The following GNAI2 variants were observed in gnomAD, a reference collection of about 807,000 sequenced individuals.
GNAI2 encodes guanine nucleotide-binding protein G(i) subunit alpha-2.
In GNAI2, 4 loss-of-function variants were observed where a neutral mutation model predicts 36.8. The ratio of observed to expected loss-of-function variants is 0.11; its 90% confidence interval spans 0.05 to 0.25. The LOEUF is 0.25. GNAI2 is among the 10% of genes least tolerant of loss of function. GNAI2 has a pLI of 1.00. For missense variants in GNAI2, 230 were observed against 481.3 expected (o/e 0.48, Z 4.89); for synonymous variants, 194 against 194.1 (o/e 1.00, Z 0.01).
intron 4 of GNAI2, 132 bp from the exon 5 acceptor site, chr3:50,256,044 CAAAAAAAAAAAAAAAA>C (rs1170893603): frequency 7.0e-5 from 10 of 142,732 alleles, no homozygotes; most frequent in African/African-American, 1.2e-4. Context: ...CACTCTGTCT[CAAAAAAAAAAAAAAAA>C]AAAAAAAAAA....
chr3:50,236,487 C>T lies in GNAI2; in HGVS notation c.118+34C>T. ...GCGTCCCGCACTGGGATCCTTGATT[C>T]CCAGCTCGAATCCCCAGACAAGGAC... On this transcript the variant is annotated intron_variant, in intron 1 of 8. Coordinates refer to ENST00000313601, the MANE Select transcript of GNAI2 (RefSeq NM_002070.4). This position sits in a 1 kb window ranked among gnomAD's most constrained non-coding sequence, Gnocchi z 4.0. 4 of 1,559,010 alleles carry T rather than the reference C, an allele frequency of 2.6e-6. No individual in the cohort carries two copies. Among genetic ancestry groups the T allele is most frequent in the Non-Finnish European group, 3.5e-6 (4 of 1,158,066 alleles).
At chr3:50,256,662 A>T (rs1700710672) in intron 5 of GNAI2, 61 bp from the exon 6 acceptor site, 1 of 1,584,084 alleles carries the variant, frequency 6.3e-7, no homozygotes, top group East Asian at 2.2e-5. Flanking sequence ...CAACCTGAGA[A>T]ATGGGGTAGA....
chr3:50,257,614 A>G lies in GNAI2; in HGVS notation c.992A>G (p.Lys331Arg). Residue 331 changes from lysine to arginine, a missense_variant, in exon 8 of 9, where the codon AAG becomes AGG. Around this residue, in one of 4 missense-constraint regions of GNAI2, gnomAD observed 17 missense variants for 48.5 expected, o/e 0.35. Transcript: ENST00000313601. ...CACTTCACGTGCGCCACCGACACCA[A>G]GAACGTGCAGTTCGTGTTTGACGCC... The part of the protein sequence containing the change: ...YTHFTCATDT[K>R]NVQFVFDAVT... 6.2e-7 allele frequency: 1 copy of G among 1,611,060 alleles called. No individual in the cohort carries two copies. The highest frequency in any genetic ancestry group is 8.5e-7 in the Non-Finnish European group (1 of 1,178,182).
chr3:50,245,765 A>T (rs1553701671), intron 1 of GNAI2, among the ~76,000 whole-genome samples: 3 of 152,262 alleles, frequency 2.0e-5, no homozygotes, highest in African/African-American at 7.2e-5. Flanking sequence ...ACTGAGGGAG[A>T]CACACCTTGC....
At position 50,242,860 on chromosome 3, in the gene GNAI2, G is replaced by A. The variant is rs1353950797; in HGVS notation, c.118+6407G>A. Among the ~76,000 whole-genome samples the A allele has an allele frequency of 1.3e-5, 2 of 152,202 alleles. No individual in the cohort carries two copies. The highest frequency in any genetic ancestry group is 2.9e-5 in the Non-Finnish European group (2 of 68,036). On this transcript the variant is annotated intron_variant, in intron 1 of 8. Transcript: ENST00000313601. This position sits in a 1 kb window ranked among gnomAD's most constrained non-coding sequence, Gnocchi z 4.8. ...GGAATCTGGGGGCTCCAAGGCTGCT[G>A]ACAGCCTCAGGATATGCAAAGGAGG...
Position 50,236,573 on chromosome 3 carries a change from T to C in GNAI2, c.118+120T>C. The C allele has an allele frequency of 7.4e-7, 1 of 1,360,334 alleles. No homozygotes were observed. The allele number at this position is 1,360,334 out of a possible 1,614,324, so 84.3% of individuals were successfully genotyped here. ...CCCGGGCTGTCTGGGACCCCACACC[T>C]GGGCCAGGACCAGGGTTGAAAACTC... is the stretch of plus-strand genomic sequence containing the variant. On this transcript the variant is annotated intron_variant, in intron 1 of 8. Coordinates refer to ENST00000313601, the MANE Select transcript of GNAI2 (RefSeq NM_002070.4). This position sits in a 1 kb window ranked among gnomAD's most constrained non-coding sequence, Gnocchi z 4.0.
At chr3:50,234,146 A>G (rs1700118264), upstream of GNAI2, among the ~76,000 whole-genome samples, 1 of 147,350 alleles carries the variant, frequency 6.8e-6, no homozygotes, top group Non-Finnish European at 1.5e-5. Flanking sequence ...AGCTCACTGC[A>G]AGCTCCGCCT....
In GNAI2 at chr3:50,241,783, A is replaced by G. The variant is rs1194715275; in HGVS notation, c.118+5330A>G. On this transcript the variant is annotated intron_variant, in intron 1 of 8. Coordinates refer to ENST00000313601, the MANE Select transcript of GNAI2 (RefSeq NM_002070.4). The surrounding 1 kb of genome is among the most constrained non-coding windows in gnomAD (Gnocchi z 5.0). Reference sequence around the variant, plus strand: ...TATGTGTCAGAGCCTAGGCTGCTGGATGGGGCCTGGGGATGGTCCGGGACC... The same window carrying G: ...TATGTGTCAGAGCCTAGGCTGCTGGGTGGGGCCTGGGGATGGTCCGGGACC... Among the ~76,000 whole-genome samples the G allele has an allele frequency of 2.0e-5, 3 of 152,118 alleles. No homozygotes were observed. The highest frequency in any genetic ancestry group is 4.4e-5 in the Non-Finnish European group (3 of 68,006).
intron 5 of GNAI2, 172 bp from the exon 6 acceptor site, chr3:50,256,551 T>A: frequency 1.3e-6 from 1 of 754,592 alleles, no homozygotes; most frequent in East Asian, 2.6e-5. Context: ...GCCTGCCTGC[T>A]GTCCAAGCTC....
At chr3:50,239,095 G>A (rs782356337) in intron 1 of GNAI2, among the ~76,000 whole-genome samples, 17 of 152,208 alleles carry the variant, frequency 1.1e-4, no homozygotes, top group Admixed American at 3.9e-4. Context: ...CCAGCTCAAC[G>A]TGACTGATCA....
At chr3:50,231,436 G>A (rs966682972), upstream of GNAI2, among the ~76,000 whole-genome samples, 4 of 152,186 alleles carry the variant, frequency 2.6e-5, no homozygotes, top group African/African-American at 4.8e-5. Context: ...GCGCTGCCAC[G>A]CCCAGCTAAT....
Position 50,242,065 on chromosome 3 carries a change from T to C in GNAI2, c.118+5612T>C, listed in dbSNP as rs1700311377. On this transcript the variant is annotated intron_variant, in intron 1 of 8. Coordinates refer to ENST00000313601, the MANE Select transcript of GNAI2 (RefSeq NM_002070.4). This position sits in a 1 kb window ranked among gnomAD's most constrained non-coding sequence, Gnocchi z 4.8. ...ACACAGGTCCTGTATACTCTGCCGT[T>C]GATCTTAGTTCTTGGTCCCTGGCTG... Among the ~76,000 whole-genome samples the C allele has an allele frequency of 6.6e-6, 1 of 152,152 alleles. No individual in the cohort carries two copies. Among genetic ancestry groups the C allele is most frequent in the South Asian group, 2.1e-4 (1 of 4,832 alleles).
upstream of GNAI2, among the ~76,000 whole-genome samples, chr3:50,231,632 G>C (rs1257245375): frequency 1.3e-5 from 2 of 152,164 alleles, no homozygotes; most frequent in Non-Finnish European, 2.9e-5. Flanking sequence ...CTGGAATTAG[G>C]GATATGAGTG....
At chr3:50,248,806 A>G (rs1700479700) in intron 1 of GNAI2, among the ~76,000 whole-genome samples, 1 of 152,048 alleles carries the variant, frequency 6.6e-6, no homozygotes, top group South Asian at 2.1e-4. Flanking sequence ...GGAGGGGAAA[A>G]TGAAACTTGA....
chr3:50,236,348 G>T lies in GNAI2; in HGVS notation c.13G>T (p.Val5Leu), dbSNP rs143760938. Residue 5 changes from valine to leucine, a missense_variant, in exon 1 of 9, where the codon GTG becomes TTG. Val to Leu is a conservative substitution (Grantham distance 32, BLOSUM62 1). Around this residue, in one of 4 missense-constraint regions of GNAI2, gnomAD observed 132 missense variants for 247.4 expected, o/e 0.53. Coordinates refer to ENST00000313601, the MANE Select transcript of GNAI2 (RefSeq NM_002070.4). This position sits in a 1 kb window ranked among gnomAD's most constrained non-coding sequence, Gnocchi z 4.0. ...GGCGGACGGCGGGATGGGCTGCACC[G>T]TGAGCGCCGAGGACAAGGCGGCGGC... MGCT[V>L]SAEDKAAAER... The T allele has an allele frequency of 1.3e-5, 20 of 1,517,474 alleles. No homozygotes were observed. Among genetic ancestry groups the T allele is most frequent in the Middle Eastern group, 1.7e-4 (1 of 5,742 alleles). The allele number at this position is 1,517,474 out of a possible 1,614,324, so 94.0% of individuals were successfully genotyped here.
At chr3:50,246,832 G>A (rs1483778871) in intron 1 of GNAI2, 2 of 1,211,414 alleles carry the variant, frequency 1.7e-6, no homozygotes, top group Non-Finnish European at 2.2e-6. Flanking sequence ...CCCCAGCTGT[G>A]TAGGAGTGCC....
chr3:50,231,356 G>A (rs1436484470), upstream of GNAI2, among the ~76,000 whole-genome samples: 3 of 152,234 alleles, frequency 2.0e-5, no homozygotes, highest in Non-Finnish European at 2.9e-5. Flanking sequence ...TCAGCTCACT[G>A]CAACCTCTGC....
rs1275263486 is a variant in GNAI2, at chr3:50,236,303, G to A, written c.-33G>A. ...CGAGCCGGGCCGTGGGCCGTGTGGG[G>A]GCCGGGCGGCGGCCGGGCCGGCGGA... On this transcript the variant is annotated 5_prime_UTR_variant, in exon 1 of 9. Transcript: ENST00000313601. The surrounding 1 kb of genome is among the most constrained non-coding windows in gnomAD (Gnocchi z 4.0). 3.7e-6 allele frequency: 5 copies of A among 1,336,298 alleles called. No individual in the cohort carries two copies. The highest frequency in any genetic ancestry group is 2.1e-5 in the South Asian group (1 of 48,618). The allele number at this position is 1,336,298 out of a possible 1,614,324, so 82.8% of individuals were successfully genotyped here. A position where few individuals can be genotyped will look rare whatever the true frequency, so the allele number is the denominator to read the frequency against.
Position 50,257,458 on chromosome 3 carries a change from C to T in GNAI2, c.878-42C>T, listed in dbSNP as rs782475887. ...GCTGCACACGTAGGATGCGGCCTGC[C>T]TGCCACACATGCAGCACAAGTCTTC... On this transcript the variant is annotated intron_variant, in intron 7 of 8. Transcript: ENST00000313601. The T allele has an allele frequency of 4.2e-6, 6 of 1,413,848 alleles. No individual in the cohort carries two copies. In the South Asian group the frequency reaches 6.7e-5, roughly 16 times the overall value. 87.6% of individuals were successfully genotyped at this position (1,413,848 alleles called of 1,614,324 possible). A position where few individuals can be genotyped will look rare whatever the true frequency, so the allele number is the denominator to read the frequency against.
Sources: gnomAD v4.1 joint callset for allele counts (sites outside exome capture counted in the v4.1 genomes callset) on GRCh38, gnomAD v4.1.1 for gene constraint, gnomAD v4.1.1 regional missense constraint, Gnocchi (gnomAD v3.1) non-coding constraint, MANE v1.5 for transcripts, NCBI Gene and HGNC (gene_info 2026-07-23, HGNC 2026-07-21) for gene names.